The following ZFAND2A variants were observed in gnomAD, a reference collection of about 807,000 sequenced individuals.
The protein encoded by ZFAND2A is zinc finger AN1-type containing 2A, also known as AN1-type zinc finger protein 2A.
ZFAND2A carries 20 observed loss-of-function variants against 11.6 expected under a neutral mutation model. That is an observed-to-expected ratio of 1.72 (90% CI 1.21 to 2.50). ZFAND2A has a LOEUF of 2.50. ZFAND2A is among the 30% of genes most tolerant of loss of function. ZFAND2A has a pLI of 0.00. For synonymous variants in ZFAND2A, 93 were observed against 60.6 expected (o/e 1.54, Z -2.48); for missense variants, 234 against 182.9 (o/e 1.28, Z -1.61).
At chr7:1,152,902 T>G (rs1306218081), downstream of ZFAND2A, 12 of 1,045,846 alleles carry the variant, frequency 1.1e-5, no homozygotes, top group Non-Finnish European at 1.6e-5. Context: ...TGAGAACAAC[T>G]AGAATCAACT....
chr7:1,150,194 G>A (rs961348295), downstream of ZFAND2A, among the ~76,000 whole-genome samples: 5 of 152,014 alleles, frequency 3.3e-5, no homozygotes, highest in African/African-American at 7.3e-5. Context: ...TATGTTCTGC[G>A]ATCACCAACA....
At chr7:1,151,612 G>A (rs371885283), downstream of ZFAND2A, among the ~76,000 whole-genome samples, 5 of 151,984 alleles carry the variant, frequency 3.3e-5, no homozygotes, top group African/African-American at 1.2e-4. Flanking sequence ...TAAAAGATTA[G>A]CCGGGCATGG....
chr7:1,158,281 G>A, intron 1 of ZFAND2A, 24 bp from the exon 2 acceptor site: 1 of 1,476,832 alleles, frequency 6.8e-7, no homozygotes, highest in Non-Finnish European at 9.4e-7. Flanking sequence ...AGAATAGTTA[G>A]GAGGAAAGCT....
chr7:1,155,430 A>T, intron 4 of ZFAND2A, 23 bp downstream of exon 4: 1 of 1,604,558 alleles, frequency 6.2e-7, no homozygotes, highest in Non-Finnish European at 8.5e-7. Flanking sequence ...AGATGAAGGA[A>T]CTGAGGCGGG....
In ZFAND2A at chr7:1,154,174, C is replaced by A. The variant is rs1793466152; in HGVS notation, c.283-950G>T. 2.0e-5 allele frequency among the ~76,000 whole-genome samples: 3 copies of A among 150,614 alleles called. No homozygotes were observed. The Admixed American group carries it at 2.0e-4, about 10-fold the overall frequency. On this transcript the variant is annotated intron_variant, in intron 4 of 4. Transcript: ENST00000316495. ...GGGAATATCTATCATGTCCCAGTAC[C>A]CACCGGTCATTTTTTTTTTTTTTTT... is the stretch of plus-strand genomic sequence containing the variant.
At chr7:1,155,937 C>T (rs1410499528) in intron 3 of ZFAND2A, among the ~76,000 whole-genome samples, 3 of 152,244 alleles carry the variant, frequency 2.0e-5, no homozygotes, top group Non-Finnish European at 2.9e-5. Flanking sequence ...AAAGACCCTC[C>T]AGCTCCCCTC....
In ZFAND2A at chr7:1,155,482, C is replaced by A; in HGVS notation, c.253G>T (p.Asp85Tyr). 1 of 1,613,792 alleles carries A rather than the reference C, an allele frequency of 6.2e-7. No individual in the cohort carries two copies. The highest frequency in any genetic ancestry group is 1.1e-5 in the South Asian group (1 of 91,024). Residue 85 changes from aspartate to tyrosine, a missense_variant, in exon 4 of 5, where the codon GAC becomes TAC. Coordinates refer to ENST00000316495, the MANE Select transcript of ZFAND2A (RefSeq NM_182491.4). ...VVGDHIDRDC[D>Y]SHPGKKKEKI... ...TCTTTCTTCTTCCCAGGGTGAGAGT[C>A]ACAGTCTCTGTCAATGTGATCACCA...
At chr7:1,157,817 A>T (rs1473725746) in intron 2 of ZFAND2A, 67 bp from the exon 3 acceptor site, 12 of 1,256,024 alleles carry the variant, frequency 9.6e-6, no homozygotes, top group Admixed American at 2.5e-5. Context: ...AGTACTATCA[A>T]AGTGTTTACC....
At chr7:1,158,555 CTT>C (rs548951423) in intron 1 of ZFAND2A, among the ~76,000 whole-genome samples, 40 of 152,358 alleles carry the variant, frequency 2.6e-4, no homozygotes, top group Admixed American at 6.5e-4. Flanking sequence ...ATGATTACGA[CTT>C]TGGTGAATTT....
intron 3 of ZFAND2A, among the ~76,000 whole-genome samples, chr7:1,156,003 A>G (rs1793517363): frequency 6.6e-6 from 1 of 152,062 alleles, no homozygotes; most frequent in African/African-American, 2.4e-5. Flanking sequence ...ACGTACACAG[A>G]GAGTTGCTTG....
In ZFAND2A at chr7:1,157,700, G is replaced by A. The variant is rs1793562915; in HGVS notation, c.106C>T (p.His36Tyr). The A allele has an allele frequency of 1.3e-6, 2 of 1,563,420 alleles. No homozygotes were observed. The highest frequency in any genetic ancestry group is 1.7e-6 in the Non-Finnish European group (2 of 1,158,996). ...CACTTATGTGCAGCGTATGGAAAAT[G>A]ATCTTTACAGAAATCTTGTTTACAT... The part of the protein sequence containing the change: ...DACKQDFCKD[H>Y]FPYAAHKCPF... The change falls in exon 3 of 5, where the codon CAT (histidine) becomes TAT (tyrosine). Residue 36 changes from histidine (H) to tyrosine (Y), a missense_variant. His to Tyr is a moderately conservative substitution (Grantham distance 83, BLOSUM62 2). Transcript: ENST00000316495.
Position 1,153,092 on chromosome 7 carries a change from GAC to G in ZFAND2A, c.413_414del (p.Ser138ThrfsTer21), listed in dbSNP as rs1793435193. 6.2e-7 allele frequency: 1 copy of G among 1,614,028 alleles called. No homozygotes were observed. Among genetic ancestry groups the G allele is most frequent in the African/African-American group, 1.3e-5 (1 of 74,898 alleles). The part of the protein sequence containing the change: ...HPLDHSCRHG[S>X]RPTIKAG ...TCTCACCCAGCTTTGATGGTGGGGC[GAC>G]TCCCGTGTCTGCAGCTGTGGTCCAA... On this transcript the variant is annotated frameshift_variant, in exon 5 of 5. Coordinates refer to ENST00000316495, the MANE Select transcript of ZFAND2A (RefSeq NM_182491.4). LOFTEE classifies it high-confidence loss of function.
downstream of ZFAND2A, chr7:1,152,082 G>A (rs965127934): frequency 2.7e-5 from 23 of 849,634 alleles, no homozygotes; most frequent in South Asian, 3.2e-4. Context: ...GGAGCGAGCT[G>A]CTTCTGTAAC....
chr7:1,153,409 A>G (rs997580679), intron 4 of ZFAND2A, among the ~76,000 whole-genome samples, 185 bp from the exon 5 acceptor site: 4 of 151,918 alleles, frequency 2.6e-5, no homozygotes, highest in African/African-American at 4.8e-5. Context: ...ACGTCCAGCT[A>G]ATTTTGTCTA....
intron 4 of ZFAND2A, among the ~76,000 whole-genome samples, chr7:1,154,860 C>T (rs999258076): frequency 6.6e-6 from 1 of 152,148 alleles, no homozygotes; most frequent in Admixed American, 6.5e-5. Context: ...TGGCTCACAC[C>T]TATAATCTCA....
chr7:1,151,092 T>C (rs1793389133), downstream of ZFAND2A, among the ~76,000 whole-genome samples: 1 of 152,124 alleles, frequency 6.6e-6, no homozygotes, highest in Non-Finnish European at 1.5e-5. Context: ...TTCACCATGT[T>C]GACCAGGCTG....
chr7:1,158,024 A>G, intron 2 of ZFAND2A, 134 bp downstream of exon 2: 1 of 943,424 alleles, frequency 1.1e-6, no homozygotes, highest in Non-Finnish European at 1.6e-6. Context: ...AGTGTCAAAC[A>G]GAACCTGCAC....
intron 2 of ZFAND2A, 104 bp downstream of exon 2, chr7:1,158,054 G>C: frequency 8.7e-7 from 1 of 1,155,974 alleles, no homozygotes; most frequent in East Asian, 2.3e-5. Flanking sequence ...TCCCAATACT[G>C]AGGAGCCAGG....
In ZFAND2A at chr7:1,157,804, G is replaced by A. The variant is rs190064610; in HGVS notation, c.56-54C>T. 3.5e-4 allele frequency: 466 copies of A among 1,341,384 alleles called. 1 individual carries two copies. The African/African-American group carries it at 5.6e-3, about 16-fold the overall frequency. The allele number at this position is 1,341,384 out of a possible 1,614,324, so 83.1% of individuals were successfully genotyped here. ...TAACGACTGGAACAAAATACTTCCA[G>A]ATAGTACTATCAAAGTGTTTACCTA... is the stretch of plus-strand genomic sequence containing the variant. On this transcript the variant is annotated intron_variant, in intron 2 of 4. Coordinates refer to ENST00000316495, the MANE Select transcript of ZFAND2A (RefSeq NM_182491.4).
Sources: gnomAD v4.1 joint callset for allele counts (sites outside exome capture counted in the v4.1 genomes callset) on GRCh38, gnomAD v4.1.1 for gene constraint, MANE v1.5 for transcripts, NCBI Gene and HGNC (gene_info 2026-07-23, HGNC 2026-07-21) for gene names.